The following BRINP3 variants were observed in gnomAD, a reference collection of about 807,000 sequenced individuals.
BRINP3 encodes BMP/retinoic acid-inducible neural-specific protein 3.
BRINP3 carries 19 observed loss-of-function variants against 71.0 expected under a neutral mutation model. That is an observed-to-expected ratio of 0.27 (90% CI 0.19 to 0.39). The LOEUF (loss-of-function observed/expected upper bound fraction) is 0.39, where lower values mean the gene tolerates loss of function less well. Among genes scored for constraint, BRINP3 ranks in the 10% least tolerant of loss-of-function variants. The pLI is 1.00. For synonymous variants in BRINP3, 380 were observed against 337.7 expected, an observed-to-expected ratio of 1.13 and a Z score of -1.37; for missense variants, 959 against 940.8, an observed-to-expected ratio of 1.02 and a Z score of -0.25.
rs756490464 is a variant in BRINP3, at chr1:190,098,614, A to T, written c.1705T>A (p.Leu569Met). ...LTKNSTLEPVLAVYVNPFGGS... is the reference protein window; with the variant it reads ...LTKNSTLEPVMAVYVNPFGGS... ...CCGAAGGGATTGACATAAACAGCCA[A>T]CACTGGCTCCAAGGTGCTGTTTTTA... The change falls in exon 8 of 8, where the codon TTG becomes ATG. Residue 569 changes from leucine (L) to methionine (M), a missense_variant. Coordinates refer to ENST00000367462, the MANE Select transcript of BRINP3 (RefSeq NM_199051.3). The T allele has an allele frequency of 1.2e-6, 2 of 1,614,180 alleles. No homozygotes were observed. Among genetic ancestry groups the T allele is most frequent in the Non-Finnish European group, 1.7e-6 (2 of 1,180,034 alleles).
intron 6 of BRINP3, among the ~76,000 whole-genome samples, chr1:190,187,838 G>A (rs1653673546): frequency 6.6e-6 from 1 of 151,272 alleles, no homozygotes. Flanking sequence ...TGTTCTATTT[G>A]CTCAGGATTG....
intron 3 of BRINP3, among the ~76,000 whole-genome samples, chr1:190,266,246 G>T (rs1016187156): frequency 1.3e-5 from 2 of 152,122 alleles, no homozygotes; most frequent in South Asian, 2.1e-4. Context: ...TTGTCTAATA[G>T]AATAGTTTGC....
chr1:190,206,840 T>C (rs778156250), intron 6 of BRINP3, among the ~76,000 whole-genome samples: 1 of 151,962 alleles, frequency 6.6e-6, no homozygotes, highest in Non-Finnish European at 1.5e-5. Flanking sequence ...ATATTAAATT[T>C]ACAGAAATAA....
chr1:190,437,620 A>G (rs568786516), intron 2 of BRINP3, among the ~76,000 whole-genome samples: 214 of 151,988 alleles, frequency 1.4e-3, no homozygotes, highest in Non-Finnish European at 2.4e-3. Context: ...TGGTAAGAAT[A>G]AAATCAGCTT....
intron 6 of BRINP3, among the ~76,000 whole-genome samples, chr1:190,193,847 A>C (rs1654253389): frequency 6.6e-6 from 1 of 152,090 alleles, no homozygotes; most frequent in Non-Finnish European, 1.5e-5. Flanking sequence ...ATCGTAAAAA[A>C]TATAGGGCTC....
At chr1:190,304,551 T>A (rs909068380) in intron 2 of BRINP3, among the ~76,000 whole-genome samples, 11 of 151,830 alleles carry the variant, frequency 7.2e-5, no homozygotes, top group African/African-American at 2.4e-4. Flanking sequence ...AAAATGGCAC[T>A]GGGAAAACGA....
intron 7 of BRINP3, among the ~76,000 whole-genome samples, chr1:190,120,530 C>A (rs1653553250): frequency 6.6e-6 from 1 of 151,932 alleles, no homozygotes; most frequent in South Asian, 2.1e-4. Context: ...GTGTCTCACT[C>A]TGTTGCCCAG....
intron 5 of BRINP3, among the ~76,000 whole-genome samples, chr1:190,231,011 A>G (rs929957922): frequency 1.3e-5 from 2 of 151,690 alleles, no homozygotes; most frequent in Non-Finnish European, 3.0e-5. Flanking sequence ...TATGGTATAT[A>G]TGATTTCTTG....
At chr1:190,152,160 A>G (rs1222188220) in intron 7 of BRINP3, among the ~76,000 whole-genome samples, 3 of 152,106 alleles carry the variant, frequency 2.0e-5, no homozygotes, top group African/African-American at 4.8e-5. Flanking sequence ...ATTATCTTAG[A>G]TAAATTTATT....
In BRINP3 at chr1:190,171,290, A is replaced by T. The variant is rs113852853; in HGVS notation, c.962-10400T>A. Among the ~76,000 whole-genome samples, 541 of 152,300 alleles carry T rather than the reference A, an allele frequency of 3.6e-3. 4 individuals are homozygous for T. The highest frequency in any genetic ancestry group is 0.012 in the African/African-American group (513 of 41,576). On this transcript the variant is annotated intron_variant, in intron 6 of 7. Transcript: ENST00000367462. ...CTTGTTTACTTGTACTAACTAGCCA[A>T]CAGTATGTTGATCAACATCTAATGG...
chr1:190,430,861 G>A (rs147602372), intron 2 of BRINP3, among the ~76,000 whole-genome samples: 1 of 152,066 alleles, frequency 6.6e-6, no homozygotes, highest in East Asian at 1.9e-4. Context: ...AATTGAAACA[G>A]TTCAATCCCA....
chr1:190,339,046 AAAT>A (rs1667480402), intron 2 of BRINP3, among the ~76,000 whole-genome samples: 2 of 149,806 alleles, frequency 1.3e-5, no homozygotes, highest in East Asian at 4.0e-4. Flanking sequence ...ATAAATAAAT[AAAT>A]AAAACAATCT....
intron 7 of BRINP3, among the ~76,000 whole-genome samples, chr1:190,146,608 G>A (rs1164842869): frequency 6.6e-6 from 1 of 151,988 alleles, no homozygotes; most frequent in Admixed American, 6.6e-5. Flanking sequence ...TAATAATTTG[G>A]TAAGGAAAGT....
At chr1:190,171,651 A>G (rs1652018273) in intron 6 of BRINP3, among the ~76,000 whole-genome samples, 1 of 152,196 alleles carries the variant, frequency 6.6e-6, no homozygotes, top group Non-Finnish European at 1.5e-5. Context: ...TTATTAAAAT[A>G]ACACTAATTC....
At chr1:190,444,533 T>G (rs1675073639) in intron 2 of BRINP3, among the ~76,000 whole-genome samples, 1 of 151,828 alleles carries the variant, frequency 6.6e-6, no homozygotes, top group Non-Finnish European at 1.5e-5. Context: ...TTTTATTTAT[T>G]TTTTTATTTA....
At chr1:190,453,201 GTATT>G (rs1675740987) in intron 2 of BRINP3, among the ~76,000 whole-genome samples, 1 of 37,880 alleles carries the variant, frequency 2.6e-5, no homozygotes, top group Non-Finnish European at 6.1e-5. Flanking sequence ...AAAAACTTTA[GTATT>G]TTTTTTTTTT....
At chr1:190,108,240 C>T (rs1429351390) in intron 7 of BRINP3, among the ~76,000 whole-genome samples, 1 of 151,974 alleles carries the variant, frequency 6.6e-6, no homozygotes, top group African/African-American at 2.4e-5. Context: ...ATTCTGAACT[C>T]AGAATCATAA....
chr1:190,426,147 A>G (rs1017743409), intron 2 of BRINP3, among the ~76,000 whole-genome samples: 1 of 151,818 alleles, frequency 6.6e-6, no homozygotes, highest in African/African-American at 2.4e-5. Flanking sequence ...TAATGAAAAA[A>G]TATATATCCA....
intron 2 of BRINP3, among the ~76,000 whole-genome samples, chr1:190,420,657 A>G (rs1242958837): frequency 6.6e-6 from 1 of 151,958 alleles, no homozygotes; most frequent in Non-Finnish European, 1.5e-5. Flanking sequence ...TTCATGCTCC[A>G]ATTGTAGAAA....
Sources: allele counts gnomAD v4.1 joint callset (sites outside exome capture counted in the v4.1 genomes callset), GRCh38; gene constraint gnomAD v4.1.1; transcripts MANE v1.5; gene names NCBI Gene and HGNC (gene_info 2026-07-23, HGNC 2026-07-21).